The following CDK14 variants were observed in gnomAD, a reference collection of about 807,000 sequenced individuals.
CDK14 encodes the protein cyclin-dependent kinase 14.
In CDK14, 34 loss-of-function variants were observed where a neutral mutation model predicts 60.7. The observed-to-expected ratio is 0.56, with a 90% CI of 0.43 to 0.75. CDK14 has a LOEUF of 0.75. CDK14 is among the 30% of genes least tolerant of loss of function. The probability of loss-of-function intolerance (pLI) is 0.00; values close to 1 mark genes in which losing one functional copy is unlikely to be tolerated. For missense variants in CDK14, 482 were observed against 564.1 expected (o/e 0.85, Z 1.47); for synonymous variants, 197 against 203.7 (o/e 0.97, Z 0.28).
At chr7:90,642,909 CA>C (rs1389229343) in intron 2 of CDK14, among the ~76,000 whole-genome samples, 1 of 152,172 alleles carries the variant, frequency 6.6e-6, no homozygotes, top group Non-Finnish European at 1.5e-5. Context: ...TAAATGAACT[CA>C]TACTGAATAC....
chr7:91,033,905 T>A (rs984312418), intron 10 of CDK14, among the ~76,000 whole-genome samples: 2 of 152,216 alleles, frequency 1.3e-5, no homozygotes. Context: ...CATAAGGGAA[T>A]CAGGGTTTAG....
At chr7:91,083,552 T>C (rs910545425) in intron 12 of CDK14, among the ~76,000 whole-genome samples, 1 of 152,220 alleles carries the variant, frequency 6.6e-6, no homozygotes, top group Non-Finnish European at 1.5e-5. Context: ...TTGCAGTTCA[T>C]AGCAATTTCT....
intron 4 of CDK14, among the ~76,000 whole-genome samples, chr7:90,769,470 C>CTT (rs10647062): frequency 0.2 from 28,978 of 144,052 alleles, 3,257 homozygotes; most frequent in South Asian, 0.24. Context: ...TTTCTCTTTT[C>CTT]TTTCTTTTTT....
intron 14 of CDK14, among the ~76,000 whole-genome samples, chr7:91,190,084 G>A (rs1244299321): frequency 6.6e-6 from 1 of 152,206 alleles, no homozygotes; most frequent in African/African-American, 2.4e-5. Flanking sequence ...GACAGACATT[G>A]TATCATTCAG....
intron 4 of CDK14, among the ~76,000 whole-genome samples, chr7:90,764,845 G>A (rs17163147): frequency 0.15 from 23,583 of 152,150 alleles, 1,938 homozygotes; most frequent in Middle Eastern, 0.25. Flanking sequence ...CTGTTTTCAG[G>A]GACTTAATGA....
intron 5 of CDK14, among the ~76,000 whole-genome samples, chr7:90,851,087 A>G (rs1052208712): frequency 6.6e-6 from 1 of 152,202 alleles, no homozygotes; most frequent in Non-Finnish European, 1.5e-5. Flanking sequence ...CAAAAGGAAA[A>G]GCAGAAAATA....
At chr7:90,828,585 T>G (rs2374367) in intron 5 of CDK14, among the ~76,000 whole-genome samples, 1 of 151,812 alleles carries the variant, frequency 6.6e-6, no homozygotes, top group Non-Finnish European at 1.5e-5. Context: ...TACCGAATTC[T>G]CCAGATCTCT....
intron 5 of CDK14, among the ~76,000 whole-genome samples, chr7:90,813,850 C>T (rs1411028053): frequency 1.3e-5 from 2 of 152,074 alleles, no homozygotes; most frequent in African/African-American, 4.8e-5. Context: ...TTGCAGAACT[C>T]TGTGTAGTTA....
rs1413590896 is a variant in CDK14 at position 91,201,994 on chromosome 7, G to A, written c.*29-5171G>A. ...AGTCTCTTGAGCCTAGTTGGTGGCG[G>A]GTATGAGATGATCTAATCAATTGGT... is the stretch of plus-strand genomic sequence containing the variant. On this transcript the variant is annotated intron_variant, in intron 14 of 14. Coordinates refer to ENST00000380050, the MANE Select transcript of CDK14 (RefSeq NM_001287135.2). Among the ~76,000 whole-genome samples, 4 of 152,094 alleles carry A rather than the reference G, an allele frequency of 2.6e-5. No individual in the cohort carries two copies. The South Asian group carries it at 8.3e-4, about 32-fold the overall frequency.
intron 12 of CDK14, among the ~76,000 whole-genome samples, chr7:91,102,910 GCAAA>G (rs1300315946): frequency 4.6e-5 from 7 of 152,096 alleles, no homozygotes; most frequent in African/African-American, 1.7e-4. Flanking sequence ...CATTACTCAA[GCAAA>G]CATTCAGTCA....
Position 91,088,569 on chromosome 7 carries a change from A to ATGTGTG in CDK14, c.1154+9108_1154+9113dup, listed in dbSNP as rs35277214. On this transcript the variant is annotated intron_variant, in intron 12 of 14. Transcript: ENST00000380050. ...TGGAAGTCTCATAGAGTTTATATAT[A>ATGTGTG]TGTGTGTGTGTGTGTGTGTGTGTGG... Among the ~76,000 whole-genome samples, 334 of 149,620 alleles carry ATGTGTG rather than the reference A, an allele frequency of 2.2e-3. 2 individuals carry two copies. The highest frequency in any genetic ancestry group is 2.6e-3 in the East Asian group (13 of 5,080).
chr7:90,709,806 T>G, intron 2 of CDK14: 1 of 1,427,238 alleles, frequency 7.0e-7, no homozygotes, highest in South Asian at 1.6e-5. Flanking sequence ...TCCCCCTCTC[T>G]TGGTTGTAGT....
At chr7:90,602,086 T>C (rs1799328435) in intron 1 of CDK14, among the ~76,000 whole-genome samples, 1 of 152,130 alleles carries the variant, frequency 6.6e-6, no homozygotes, top group South Asian at 2.1e-4. Flanking sequence ...GGATTACAGG[T>C]GTGAGCCACT....
chr7:91,184,942 C>G (rs913371216), intron 14 of CDK14, among the ~76,000 whole-genome samples: 15 of 151,614 alleles, frequency 9.9e-5, no homozygotes, highest in African/African-American at 3.6e-4. Context: ...AGCCACAAAT[C>G]CTAGAGAAGA....
chr7:90,750,770 G>A (rs563730870), intron 4 of CDK14, among the ~76,000 whole-genome samples: 10 of 152,068 alleles, frequency 6.6e-5, no homozygotes, highest in Non-Finnish European at 1.5e-4. Flanking sequence ...CTACTCCAGA[G>A]GCTGAGGCAT....
chr7:91,154,278 T>C (rs1800913466), intron 14 of CDK14, among the ~76,000 whole-genome samples: 1 of 151,762 alleles, frequency 6.6e-6, no homozygotes, highest in Non-Finnish European at 1.5e-5. Context: ...AATCCTCTTC[T>C]GCTTGGTGTA....
intron 2 of CDK14, among the ~76,000 whole-genome samples, chr7:90,627,451 A>G (rs1276898783): frequency 6.6e-6 from 1 of 152,118 alleles, no homozygotes; most frequent in African/African-American, 2.4e-5. Context: ...GGGCTCAAGC[A>G]ATCCTCGTGT....
At chr7:90,966,562 A>T (rs1794756657) in intron 9 of CDK14, among the ~76,000 whole-genome samples, 1 of 152,114 alleles carries the variant, frequency 6.6e-6, no homozygotes, top group Admixed American at 6.5e-5. Flanking sequence ...CATGTTTTTC[A>T]CACTTGATTT....
chr7:90,834,457 A>C (rs868836951), intron 5 of CDK14, among the ~76,000 whole-genome samples: 1 of 152,178 alleles, frequency 6.6e-6, no homozygotes, highest in African/African-American at 2.4e-5. Context: ...GGCCTTGTGT[A>C]TGAAAGATGA....
Sources: allele counts gnomAD v4.1 joint callset (sites outside exome capture counted in the v4.1 genomes callset), GRCh38; gene constraint gnomAD v4.1.1; transcripts MANE v1.5; gene names NCBI Gene and HGNC (gene_info 2026-07-23, HGNC 2026-07-21).